PTPRO: variants seen among roughly 807,000 people sequenced by gnomAD.
PTPRO encodes the protein protein tyrosine phosphatase receptor type O, also known as receptor-type tyrosine-protein phosphatase O.
A neutral mutation model predicts 145.2 loss-of-function variants in PTPRO; 62 were observed. The ratio of observed to expected loss-of-function variants is 0.43; its 90% CI spans 0.35 to 0.53. PTPRO has a LOEUF of 0.53. Among genes scored for constraint, PTPRO ranks in the 20% least tolerant of loss-of-function variants. The pLI, the probability that PTPRO is intolerant of heterozygous loss-of-function variation, is 0.01. For missense variants in PTPRO, 1,345 were observed against 1,482.7 expected (o/e 0.91, Z 1.53); for synonymous variants, 565 against 514.7 (o/e 1.10, Z -1.32).
At chr12:15,415,444 G>A (rs527397548) in intron 1 of PTPRO, among the ~76,000 whole-genome samples, 3 of 150,340 alleles carry the variant, frequency 2.0e-5, no homozygotes, top group South Asian at 4.2e-4. Flanking sequence ...GAGTGCAGTG[G>A]TGCAGTCTTG....
chr12:15,337,911 G>C (rs1866820982), intron 1 of PTPRO, among the ~76,000 whole-genome samples: 1 of 152,186 alleles, frequency 6.6e-6, no homozygotes, highest in South Asian at 2.1e-4. Context: ...ATGGGGAATA[G>C]CTGCATGTGG....
At chr12:15,324,592 T>C (rs1199669085) in intron 1 of PTPRO, among the ~76,000 whole-genome samples, 1 of 152,196 alleles carries the variant, frequency 6.6e-6, no homozygotes, top group Non-Finnish European at 1.5e-5. Flanking sequence ...TGGCAAAGTT[T>C]GCCATTTAAA....
At chr12:15,530,759 C>T (rs1231561652) in intron 12 of PTPRO, among the ~76,000 whole-genome samples, 1 of 151,874 alleles carries the variant, frequency 6.6e-6, no homozygotes, top group Non-Finnish European at 1.5e-5. Flanking sequence ...GCAATAAATG[C>T]CCTTAATATA....
chr12:15,489,048 C>A (rs757091521), intron 2 of PTPRO, among the ~76,000 whole-genome samples: 4 of 152,038 alleles, frequency 2.6e-5, no homozygotes, highest in African/African-American at 9.7e-5. Flanking sequence ...CAGTCCTATT[C>A]TAAATAAAAA....
chr12:15,331,965 T>TTA (rs1866623852), intron 1 of PTPRO, among the ~76,000 whole-genome samples: 1 of 141,164 alleles, frequency 7.1e-6, no homozygotes, highest in African/African-American at 2.7e-5. Context: ...TTTCTTTCTT[T>TTA]TTTTTTTTTT....
In PTPRO at chr12:15,569,465, A is replaced by C. The variant is rs370941333; in HGVS notation, c.2796A>C (p.Lys932Asn). The C allele has an allele frequency of 6.2e-7, 1 of 1,613,698 alleles. No homozygotes were observed. Among genetic ancestry groups the C allele is most frequent in the Non-Finnish European group, 8.5e-7 (1 of 1,179,760 alleles). The change falls in exon 19 of 27, where the codon AAA (lysine) becomes AAC (asparagine). Residue 932 changes from lysine (K) to asparagine (N), a missense_variant. Physicochemically the swap from Lys to Asn is moderately conservative, Grantham distance 94 (BLOSUM62 0). Transcript: ENST00000281171. Reference sequence around the variant, plus strand: ...ATGCCTATATTAAGGATATGGCCAAAGACTCTGACTATAAATTTTCTCTTC... The same window carrying C: ...ATGCCTATATTAAGGATATGGCCAACGACTCTGACTATAAATTTTCTCTTC... ...DFDAYIKDMA[K>N]DSDYKFSLQF...
chr12:15,534,747 C>T (rs1462319521), intron 12 of PTPRO, among the ~76,000 whole-genome samples: 1 of 152,112 alleles, frequency 6.6e-6, no homozygotes, highest in Admixed American at 6.5e-5. Flanking sequence ...AATGAAGGGC[C>T]ATTTAGAGAA....
intron 1 of PTPRO, among the ~76,000 whole-genome samples, chr12:15,353,404 T>C (rs916406917): frequency 2.7e-5 from 4 of 148,824 alleles, no homozygotes; most frequent in Non-Finnish European, 4.5e-5. Context: ...AATTTAACCA[T>C]GTTGATGCAG....
At chr12:15,566,651 G>A (rs1401322680) in intron 18 of PTPRO, among the ~76,000 whole-genome samples, 1 of 152,070 alleles carries the variant, frequency 6.6e-6, no homozygotes, top group Non-Finnish European at 1.5e-5. Context: ...CTCCCCAGTA[G>A]CTAATACTAC....
At chr12:15,491,402 A>G (rs544368086) in intron 2 of PTPRO, among the ~76,000 whole-genome samples, 3 of 152,334 alleles carry the variant, frequency 2.0e-5, no homozygotes, top group African/African-American at 4.8e-5. Context: ...TCTTTAAACA[A>G]TATGTGCTCC....
rs368478281 is a variant in PTPRO, at chr12:15,533,192, G to C, written c.2164+6930G>C. Among the ~76,000 whole-genome samples, 82 of 152,198 alleles carry C rather than the reference G, an allele frequency of 5.4e-4. 1 individual carries two copies. The highest frequency in any genetic ancestry group is 1.8e-3 in the African/African-American group (75 of 41,534). On this transcript the variant is annotated intron_variant, in intron 12 of 26. Transcript: ENST00000281171. ...ATAATAGAATGGACTATGTAAACCA[G>C]CTTGGAAAATTTATTTAAACTTTAC...
intron 1 of PTPRO, among the ~76,000 whole-genome samples, chr12:15,461,599 C>T (rs533105130): frequency 1.0e-4 from 14 of 139,530 alleles, no homozygotes; most frequent in African/African-American, 1.4e-4. Flanking sequence ...GACAGAATCT[C>T]GCTCTGTCGC....
chr12:15,397,568 A>G (rs939452061), intron 1 of PTPRO, among the ~76,000 whole-genome samples: 2 of 152,134 alleles, frequency 1.3e-5, no homozygotes, highest in African/African-American at 4.8e-5. Flanking sequence ...TTTACCTCCA[A>G]CTGAGAATAT....
intron 1 of PTPRO, among the ~76,000 whole-genome samples, chr12:15,429,220 A>G (rs1940366752): frequency 6.6e-6 from 1 of 152,178 alleles, no homozygotes; most frequent in East Asian, 1.9e-4. Flanking sequence ...TTGAGATAGA[A>G]ATGTTGAGAA....
chr12:15,474,546 T>A (rs1941613066), intron 1 of PTPRO, among the ~76,000 whole-genome samples: 1 of 152,218 alleles, frequency 6.6e-6, no homozygotes, highest in South Asian at 2.1e-4. Context: ...ACCGCTGTTC[T>A]CTCAAGCGTA....
At chr12:15,399,965 C>A (rs1203588442) in intron 1 of PTPRO, among the ~76,000 whole-genome samples, 1 of 144,624 alleles carries the variant, frequency 6.9e-6, no homozygotes, top group East Asian at 2.3e-4. Context: ...GCAGGAGAAT[C>A]GCTTGAACCC....
At chr12:15,375,660 G>T (rs768397118) in intron 1 of PTPRO, among the ~76,000 whole-genome samples, 1 of 151,014 alleles carries the variant, frequency 6.6e-6, no homozygotes, top group Non-Finnish European at 1.5e-5. Flanking sequence ...GGAAGCTGAG[G>T]TAGGAGAATC....
At chr12:15,454,767 G>A (rs547633889) in intron 1 of PTPRO, among the ~76,000 whole-genome samples, 70 of 152,268 alleles carry the variant, frequency 4.6e-4, no homozygotes, top group African/African-American at 1.7e-3. Context: ...TGTAGGGAAA[G>A]ATAAGGGTCC....
At chr12:15,450,984 C>G (rs931230575) in intron 1 of PTPRO, among the ~76,000 whole-genome samples, 1 of 151,968 alleles carries the variant, frequency 6.6e-6, no homozygotes, top group Non-Finnish European at 1.5e-5. Context: ...CCTCCCATCT[C>G]AATACTAACA....
Sources: allele counts gnomAD v4.1 joint callset (sites outside exome capture counted in the v4.1 genomes callset), GRCh38; gene constraint gnomAD v4.1.1; transcripts MANE v1.5; gene names NCBI Gene and HGNC (gene_info 2026-07-23, HGNC 2026-07-21).